Variants in EPAS1 observed in about 807,000 individuals in gnomAD.
EPAS1 encodes endothelial PAS domain-containing protein 1.
In EPAS1, 23 loss-of-function variants were observed where a neutral mutation model predicts 87.9. That is an observed-to-expected ratio of 0.26 (90% CI 0.19 to 0.37). The LOEUF is 0.37. EPAS1 is among the 10% of genes least tolerant of loss of function. The pLI is 1.00. For synonymous variants in EPAS1, 508 were observed against 444.3 expected (o/e 1.14, Z -1.80); for missense variants, 1,138 against 1,120.7 (o/e 1.02, Z -0.22).
At chr2:46,309,670 A>T (rs1359743288) in intron 1 of EPAS1, among the ~76,000 whole-genome samples, 1 of 152,212 alleles carries the variant, frequency 6.6e-6, no homozygotes, top group Non-Finnish European at 1.5e-5. Flanking sequence ...AAGTAAAATG[A>T]GAAGGCAGCA....
At chr2:46,299,131 T>C (rs1295617945) in intron 1 of EPAS1, among the ~76,000 whole-genome samples, 1 of 152,174 alleles carries the variant, frequency 6.6e-6, no homozygotes, top group East Asian at 1.9e-4. Context: ...ACTGCCGAGG[T>C]TGATTTGCTC....
chr2:46,311,465 A>G (rs920801556), intron 1 of EPAS1, among the ~76,000 whole-genome samples: 3 of 152,188 alleles, frequency 2.0e-5, no homozygotes, highest in African/African-American at 7.2e-5. Flanking sequence ...ACTAGTTTCA[A>G]GAATCTCCTA....
chr2:46,345,448 G>C (rs1181438158), intron 1 of EPAS1, among the ~76,000 whole-genome samples: 1 of 152,158 alleles, frequency 6.6e-6, no homozygotes, highest in Non-Finnish European at 1.5e-5. Context: ...AGACAGGACA[G>C]TCATTGGTGG....
chr2:46,386,364 T>C lies in EPAS1; in HGVS notation c.*1704T>C, dbSNP rs1685025310. On this transcript the variant is annotated 3_prime_UTR_variant, in exon 16 of 16. Transcript: ENST00000263734. Reference sequence around the variant, plus strand: ...AAAGAAATTTAAGTTCTATGAGAAATTCCTTAGTCATGGTGTTGCGTAAAT... The same window carrying C: ...AAAGAAATTTAAGTTCTATGAGAAACTCCTTAGTCATGGTGTTGCGTAAAT... 1 of 152,614 alleles carries C rather than the reference T, an allele frequency of 6.6e-6. No homozygotes were observed. The highest frequency in any genetic ancestry group is 2.1e-4 in the South Asian group (1 of 4,830). The allele number at this position is 152,614 out of a possible 1,614,324, so 9.5% of individuals were successfully genotyped here. A position where few individuals can be genotyped will look rare whatever the true frequency, so the allele number is the denominator to read the frequency against.
rs114927662 is a variant in EPAS1 at position 46,386,384 on chromosome 2, G to A, written c.*1724G>A. On this transcript the variant is annotated 3_prime_UTR_variant, in exon 16 of 16. Coordinates refer to ENST00000263734, the MANE Select transcript of EPAS1 (RefSeq NM_001430.5). ...AGAAATTCCTTAGTCATGGTGTTGC[G>A]TAAATCATATTTTAGCTGCACGGCA... 8.3e-3 allele frequency: 1,275 copies of A among 152,728 alleles called. 16 individuals carry two copies. The highest frequency in any genetic ancestry group is 0.035 in the Admixed American group (536 of 15,294). The allele number at this position is 152,728 out of a possible 1,614,324, so 9.5% of individuals were successfully genotyped here.
intron 2 of EPAS1, among the ~76,000 whole-genome samples, chr2:46,349,260 C>T (rs549773775): frequency 2.0e-5 from 3 of 152,274 alleles, no homozygotes; most frequent in Admixed American, 1.3e-4. Flanking sequence ...TGCAGGGCTT[C>T]GTTTTGCATG....
intron 2 of EPAS1, among the ~76,000 whole-genome samples, chr2:46,349,621 C>A (rs932592979): frequency 2.0e-5 from 3 of 152,206 alleles, no homozygotes; most frequent in African/African-American, 7.2e-5. Flanking sequence ...TAAAAAGTTT[C>A]TACTTTTGGC....
At chr2:46,313,438 G>GTTATTTCT (rs1553389427) in intron 1 of EPAS1, among the ~76,000 whole-genome samples, 4 of 148,662 alleles carry the variant, frequency 2.7e-5, no homozygotes, top group Admixed American at 6.7e-5. Context: ...CCCACATGTT[G>GTTATTTCT]TTATTTATTT....
chr2:46,378,055 A>C lies in EPAS1; in HGVS notation c.1411A>C (p.Ser471Arg). The C allele has an allele frequency of 6.2e-7, 1 of 1,607,148 alleles. No individual in the cohort carries two copies. The highest frequency in any genetic ancestry group is 8.5e-7 in the Non-Finnish European group (1 of 1,177,950). Residue 471 changes from serine (S) to arginine (R), a missense_variant, in exon 10 of 16, where the codon AGT (serine) becomes CGT (arginine). Ser to Arg is a moderately radical substitution (Grantham distance 110, BLOSUM62 -1). Around this residue, in one of 4 missense-constraint regions of EPAS1, gnomAD observed 284 missense variants for 258.4 expected, o/e 1.10. Transcript: ENST00000263734. ...AGCTGCCCCGGGCAGCACCACCCCC[A>C]GTGCCACCAGCAGCAGCAGCAGCTG... ...QAAAPGSTTP[S>R]ATSSSSSCST...
In EPAS1 at chr2:46,300,966, A is replaced by G. The variant is rs1682983526; in HGVS notation, c.26+3029A>G. ...AAATATTGCTGGACAGTTTCTCTCA[A>G]TTTAAACATATATTTTAAATAAATA... On this transcript the variant is annotated intron_variant, in intron 1 of 15. Coordinates refer to ENST00000263734, the MANE Select transcript of EPAS1 (RefSeq NM_001430.5). The surrounding 1 kb of genome is among the most constrained non-coding windows in gnomAD (Gnocchi z 4.1). Among the ~76,000 whole-genome samples the G allele has an allele frequency of 6.6e-6, 1 of 152,242 alleles. No individual in the cohort carries two copies. The highest frequency in any genetic ancestry group is 1.9e-4 in the East Asian group (1 of 5,202).
chr2:46,361,086 G>T lies in EPAS1; in HGVS notation c.775G>T (p.Asp259Tyr). 6.2e-7 allele frequency: 1 copy of T among 1,614,142 alleles called. No homozygotes were observed. ...SMDMKFTYCD[D>Y]RITELIGYHP... ...GGACATGAAGTTCACCTACTGTGAT[G>T]ACAGGTAGGGGGCCATGGGTGTGTA... Residue 259 changes from aspartate to tyrosine, a missense_variant, in exon 6 of 16, where the codon GAC becomes TAC. Asp to Tyr is a radical substitution (Grantham distance 160). Coordinates refer to ENST00000263734, the MANE Select transcript of EPAS1 (RefSeq NM_001430.5).
Position 46,360,475 on chromosome 2 carries a change from C to T in EPAS1, c.455-163C>T, listed in dbSNP as rs1170850342. Among the ~76,000 whole-genome samples the T allele has an allele frequency of 1.3e-5, 2 of 152,188 alleles. No individual in the cohort carries two copies. The highest frequency in any genetic ancestry group is 6.5e-5 in the Admixed American group (1 of 15,288). On this transcript the variant is annotated intron_variant, in intron 4 of 15. Coordinates refer to ENST00000263734, the MANE Select transcript of EPAS1 (RefSeq NM_001430.5). The surrounding 1 kb of genome is among the most constrained non-coding windows in gnomAD (Gnocchi z 4.5). ...AGAGTGGGAACCATTAGTTCACAGGCCATGATGGAGCTCAGTGTTGATGGC... is the reference window on the plus strand; with the variant it reads ...AGAGTGGGAACCATTAGTTCACAGGTCATGATGGAGCTCAGTGTTGATGGC...
intron 6 of EPAS1, among the ~76,000 whole-genome samples, chr2:46,364,326 A>C (rs1248411916): frequency 6.6e-6 from 1 of 152,248 alleles, no homozygotes; most frequent in Non-Finnish European, 1.5e-5. Context: ...CCACAAAATC[A>C]ATTTTGAAGC....
At chr2:46,381,238 A>T (rs568279834) in intron 12 of EPAS1, 46 of 381,846 alleles carry the variant, frequency 1.2e-4, no homozygotes, top group Non-Finnish European at 2.2e-4. Context: ...ATGACCTGCC[A>T]CTCCCAGGGG....
intron 1 of EPAS1, among the ~76,000 whole-genome samples, chr2:46,299,109 C>T (rs1012212817): frequency 1.3e-5 from 2 of 152,222 alleles, no homozygotes; most frequent in Admixed American, 1.3e-4. Flanking sequence ...AGGTGACTGG[C>T]CGGGAGGGCT....
intron 4 of EPAS1, among the ~76,000 whole-genome samples, chr2:46,359,797 ATGG>A (rs1684351312): frequency 6.6e-6 from 1 of 152,168 alleles, no homozygotes; most frequent in Non-Finnish European, 1.5e-5. Context: ...GGTACCAGAG[ATGG>A]TGGTGTAGGC....
rs749202179 is a variant in EPAS1 at position 46,300,208 on chromosome 2, G to A, written c.26+2271G>A. On this transcript the variant is annotated intron_variant, in intron 1 of 15. Transcript: ENST00000263734. The surrounding 1 kb of genome is among the most constrained non-coding windows in gnomAD (Gnocchi z 4.1). ...ATGTGAACCAATACATTGAAAGTTGGTGTTGTCATGTAAGTGACTGCTGTA... is the reference window on the plus strand; with the variant it reads ...ATGTGAACCAATACATTGAAAGTTGATGTTGTCATGTAAGTGACTGCTGTA... Among the ~76,000 whole-genome samples the A allele has an allele frequency of 3.9e-5, 6 of 152,224 alleles. No individual in the cohort carries two copies. The highest frequency in any genetic ancestry group is 1.4e-4 in the African/African-American group (6 of 41,454).
At chr2:46,304,685 C>A (rs1683073514) in intron 1 of EPAS1, among the ~76,000 whole-genome samples, 1 of 152,112 alleles carries the variant, frequency 6.6e-6, no homozygotes. Context: ...CTTTCCACAT[C>A]CCACCCTTCG....
intron 1 of EPAS1, among the ~76,000 whole-genome samples, chr2:46,325,710 C>G (rs983045333): frequency 6.6e-6 from 1 of 152,174 alleles, no homozygotes; most frequent in Non-Finnish European, 1.5e-5. Context: ...GGGACATACA[C>G]GCTCACTTCC....
Sources: allele counts gnomAD v4.1 joint callset (sites outside exome capture counted in the v4.1 genomes callset), GRCh38; gene constraint gnomAD v4.1.1; regional missense constraint gnomAD v4.1.1; non-coding constraint Gnocchi (gnomAD v3.1); transcripts MANE v1.5; gene names NCBI Gene and HGNC (gene_info 2026-07-23, HGNC 2026-07-21).